The following SPON1 variants were observed in gnomAD, a reference collection of about 807,000 sequenced individuals.
SPON1 encodes spondin 1.
SPON1 carries 52 observed loss-of-function variants against 111.7 expected under a neutral mutation model. The ratio of observed to expected loss-of-function variants is 0.47; its 90% CI spans 0.37 to 0.59. The LOEUF is 0.59. Ranked by LOEUF, SPON1 falls within the 20% of genes least tolerant of loss-of-function variation. The probability of loss-of-function intolerance (pLI) is 0.00; values close to 1 mark genes in which losing one functional copy is unlikely to be tolerated. For missense variants in SPON1, 957 were observed against 1,068.5 expected (o/e 0.90, Z 1.46); for synonymous variants, 410 against 395.8 (o/e 1.04, Z -0.43).
At chr11:14,066,391 GA>G (rs201035441) in intron 3 of SPON1, among the ~76,000 whole-genome samples, 50 of 150,882 alleles carry the variant, frequency 3.3e-4, no homozygotes, top group East Asian at 2.5e-3. Context: ...AAAGACGCTG[GA>G]AAAAAAAATT....
chr11:14,207,217 C>T (rs1426239349), intron 6 of SPON1, among the ~76,000 whole-genome samples: 3 of 152,152 alleles, frequency 2.0e-5, no homozygotes, highest in Admixed American at 6.6e-5. Flanking sequence ...CTTCATTACA[C>T]CATATACAAA....
chr11:14,124,665 A>T (rs1847434593), intron 5 of SPON1, among the ~76,000 whole-genome samples: 1 of 152,202 alleles, frequency 6.6e-6, no homozygotes, highest in Admixed American at 6.5e-5. Context: ...TTCAGCTGTA[A>T]CTACTCAACT....
intron 6 of SPON1, among the ~76,000 whole-genome samples, chr11:14,192,702 A>G (rs1848359886): frequency 6.6e-6 from 1 of 152,084 alleles, no homozygotes. Context: ...GCCAGGACAA[A>G]GACAAGGCTT....
At chr11:14,008,063 A>C (rs1848376728) in intron 2 of SPON1, among the ~76,000 whole-genome samples, 4 of 152,252 alleles carry the variant, frequency 2.6e-5, no homozygotes, top group Admixed American at 2.6e-4. Context: ...GTGAACATGC[A>C]GTAGTCCCTT....
rs965171624 is a variant in SPON1 at position 14,187,819 on chromosome 11, G to T, written c.825+52251G>T. Among the ~76,000 whole-genome samples the T allele has an allele frequency of 4.0e-5, 6 of 150,686 alleles. No homozygotes were observed. In the East Asian group the frequency reaches 1.2e-3, roughly 29 times the overall value. ...TTTGAGATGGAGTTTCGCTCTTGTT[G>T]CCCAGGCCTGGAGTGTAATGGCGCA... On this transcript the variant is annotated intron_variant, in intron 6 of 15. Transcript: ENST00000576479.
chr11:14,257,541 A>G (rs781910993), intron 10 of SPON1, among the ~76,000 whole-genome samples, 175 bp from the exon 11 acceptor site: 4 of 152,260 alleles, frequency 2.6e-5, no homozygotes, highest in Non-Finnish European at 5.9e-5. Context: ...GCAAGATGTT[A>G]AACTATTATC....
intron 6 of SPON1, among the ~76,000 whole-genome samples, chr11:14,166,557 T>A (rs1848032266): frequency 6.6e-6 from 1 of 152,156 alleles, no homozygotes; most frequent in Non-Finnish European, 1.5e-5. Flanking sequence ...GTCCTATATC[T>A]GATCATAAAC....
At chr11:13,986,208 C>T (rs1554910309) in intron 2 of SPON1, among the ~76,000 whole-genome samples, 1 of 152,144 alleles carries the variant, frequency 6.6e-6, no homozygotes, top group African/African-American at 2.4e-5. Context: ...GTCAACAAGT[C>T]ACCCATTGAA....
intron 6 of SPON1, among the ~76,000 whole-genome samples, chr11:14,149,560 T>A (rs1416077059): frequency 6.6e-6 from 1 of 152,228 alleles, no homozygotes; most frequent in Non-Finnish European, 1.5e-5. Flanking sequence ...TAGTGTGCAG[T>A]AATGTCCTAG....
chr11:14,024,431 G>A (rs1591354295), intron 2 of SPON1, among the ~76,000 whole-genome samples: 1 of 152,240 alleles, frequency 6.6e-6, no homozygotes, highest in East Asian at 1.9e-4. Flanking sequence ...ATGGATGGGG[G>A]GCCAGAAGAG....
chr11:14,033,668 T>G (rs1686769765), intron 2 of SPON1, among the ~76,000 whole-genome samples: 1 of 152,212 alleles, frequency 6.6e-6, no homozygotes. Context: ...ATGAAAAGTT[T>G]TAGAAGCCTA....
intron 6 of SPON1, among the ~76,000 whole-genome samples, chr11:14,193,811 G>T (rs965542099): frequency 6.6e-6 from 1 of 152,194 alleles, no homozygotes; most frequent in African/African-American, 2.4e-5. Flanking sequence ...AGGGCTCATG[G>T]CAGGGCCACA....
chr11:14,186,488 G>T (rs1468863986), intron 6 of SPON1, among the ~76,000 whole-genome samples: 1 of 152,144 alleles, frequency 6.6e-6, no homozygotes, highest in Non-Finnish European at 1.5e-5. Context: ...AGCTGGGAGT[G>T]GGGGAGATGC....
At chr11:14,240,054 T>C (rs1158646485) in intron 6 of SPON1, among the ~76,000 whole-genome samples, 1 of 152,206 alleles carries the variant, frequency 6.6e-6, no homozygotes, top group Non-Finnish European at 1.5e-5. Context: ...TACATGAGTC[T>C]TCATCACAGC....
At chr11:14,157,386 G>A (rs1227639487) in intron 6 of SPON1, among the ~76,000 whole-genome samples, 3 of 152,074 alleles carry the variant, frequency 2.0e-5, no homozygotes, top group African/African-American at 7.2e-5. Flanking sequence ...CATGATTTCT[G>A]TTGAGAAGTC....
At chr11:14,126,690 T>A (rs543856297) in intron 5 of SPON1, among the ~76,000 whole-genome samples, 2 of 152,324 alleles carry the variant, frequency 1.3e-5, no homozygotes, top group African/African-American at 4.8e-5. Flanking sequence ...AGTGATAGTC[T>A]GCCGCTTCCC....
intron 6 of SPON1, among the ~76,000 whole-genome samples, chr11:14,202,881 C>T (rs1236221587): frequency 6.6e-6 from 1 of 152,084 alleles, no homozygotes; most frequent in East Asian, 1.9e-4. Context: ...AGGTGCTGGC[C>T]CTGTTCTTTA....
At chr11:14,028,177 T>C (rs781848016) in intron 2 of SPON1, among the ~76,000 whole-genome samples, 1 of 152,058 alleles carries the variant, frequency 6.6e-6, no homozygotes, top group African/African-American at 2.4e-5. Context: ...GGATACAAAG[T>C]GTTAGCAAGA....
chr11:13,998,923 G>C (rs1196378019), intron 2 of SPON1, among the ~76,000 whole-genome samples: 1 of 152,110 alleles, frequency 6.6e-6, no homozygotes, highest in Non-Finnish European at 1.5e-5. Context: ...ACTTTTTCAT[G>C]TATCTATTAA....
Sources: gnomAD v4.1 joint callset for allele counts (sites outside exome capture counted in the v4.1 genomes callset) on GRCh38, gnomAD v4.1.1 for gene constraint, MANE v1.5 for transcripts, NCBI Gene and HGNC (gene_info 2026-07-23, HGNC 2026-07-21) for gene names.